Variants in ZNF804B observed in about 807,000 individuals in gnomAD.
The protein encoded by ZNF804B is zinc finger 804B.
ZNF804B carries 80 observed loss-of-function variants against 101.4 expected under a neutral mutation model. The observed-to-expected ratio is 0.79, with a 90% CI of 0.66 to 0.95. ZNF804B has a LOEUF of 0.95. Among genes scored for constraint, ZNF804B ranks in the 40% least tolerant of loss-of-function variants. ZNF804B has a pLI of 0.00. For synonymous variants in ZNF804B, 622 were observed against 558.8 expected (o/e 1.11, Z -1.59); for missense variants, 1,673 against 1,561.9 (o/e 1.07, Z -1.20).
chr7:89,002,395 CATGCTTGCATTTTTCTTGCTTTTCTTATT>C (rs1402932794), intron 1 of ZNF804B, among the ~76,000 whole-genome samples: 1 of 151,864 alleles, frequency 6.6e-6, no homozygotes, highest in East Asian at 1.9e-4. Flanking sequence ...CCCACAATAA[CATGCTTGCATTTTTCTTGCTTTTCTTATT>C]ATTGAATATT....
At chr7:89,087,719 C>A (rs957267100) in intron 1 of ZNF804B, among the ~76,000 whole-genome samples, 2 of 151,966 alleles carry the variant, frequency 1.3e-5, no homozygotes, top group South Asian at 2.1e-4. Flanking sequence ...TTATGTTTAT[C>A]TTCTGTGTGA....
chr7:89,103,142 G>A (rs1234894641), intron 1 of ZNF804B, among the ~76,000 whole-genome samples: 8 of 127,736 alleles, frequency 6.3e-5, no homozygotes, highest in Non-Finnish European at 1.3e-4. Context: ...ATCAGGCAAT[G>A]CAATGTCTCC....
intron 1 of ZNF804B, among the ~76,000 whole-genome samples, chr7:88,865,983 C>T (rs934450877): frequency 3.3e-5 from 5 of 152,026 alleles, no homozygotes; most frequent in African/African-American, 7.2e-5. Flanking sequence ...ATTGTGAGAC[C>T]GAATTCTCTC....
rs574285441 is a variant in ZNF804B, at chr7:88,866,793, T to C, written c.108+106709T>C. Reference sequence around the variant, plus strand: ...TTTAGGGTGATTTGTTGAATATTGATAGATAATGGAAATACCCATATTTAG... The same window carrying C: ...TTTAGGGTGATTTGTTGAATATTGACAGATAATGGAAATACCCATATTTAG... On this transcript the variant is annotated intron_variant, in intron 1 of 3. Coordinates refer to ENST00000333190, the MANE Select transcript of ZNF804B (RefSeq NM_181646.5). Among the ~76,000 whole-genome samples, 150 of 152,286 alleles carry C rather than the reference T, an allele frequency of 9.8e-4. 2 individuals are homozygous for C. Among genetic ancestry groups the C allele is most frequent in the African/African-American group, 3.5e-3 (146 of 41,562 alleles).
chr7:88,948,263 C>T (rs184183961), intron 1 of ZNF804B, among the ~76,000 whole-genome samples: 55 of 149,876 alleles, frequency 3.7e-4, no homozygotes, highest in African/African-American at 1.3e-3. Flanking sequence ...GAGACAAGGT[C>T]GCCTCAGCAC....
intron 2 of ZNF804B, among the ~76,000 whole-genome samples, chr7:89,257,175 A>G (rs1276252411): frequency 1.3e-5 from 2 of 152,096 alleles, no homozygotes; most frequent in Non-Finnish European, 2.9e-5. Flanking sequence ...GAACTATAGG[A>G]TGGAGTTTCT....
intron 1 of ZNF804B, among the ~76,000 whole-genome samples, chr7:89,100,829 C>T (rs938742161): frequency 1.3e-5 from 2 of 151,898 alleles, no homozygotes; most frequent in Non-Finnish European, 2.9e-5. Context: ...CAAATTATCT[C>T]ACATACTACA....
At position 88,851,653 on chromosome 7, in the gene ZNF804B, A is replaced by C. The variant is rs376918787; in HGVS notation, c.108+91569A>C. Among the ~76,000 whole-genome samples, 13 of 152,228 alleles carry C rather than the reference A, an allele frequency of 8.5e-5. No homozygotes were observed. The East Asian group carries it at 2.3e-3, about 27-fold the overall frequency. On this transcript the variant is annotated intron_variant, in intron 1 of 3. Coordinates refer to ENST00000333190, the MANE Select transcript of ZNF804B (RefSeq NM_181646.5). ...AGGAATTCTTAAGTAGAAACAAAAC[A>C]TTACCACATGGAAATATGGTTCTAC...
intron 1 of ZNF804B, among the ~76,000 whole-genome samples, chr7:89,063,647 A>G (rs1412059962): frequency 1.3e-5 from 2 of 152,194 alleles, no homozygotes; most frequent in African/African-American, 4.8e-5. Context: ...CATGTGAAGA[A>G]AGAGGAAGAC....
At chr7:89,111,097 G>C (rs1156944357) in intron 1 of ZNF804B, among the ~76,000 whole-genome samples, 3 of 151,690 alleles carry the variant, frequency 2.0e-5, no homozygotes, top group Admixed American at 2.0e-4. Context: ...ATATTCTGTT[G>C]GCTGGATACA....
chr7:89,215,612 G>A (rs963948245), intron 1 of ZNF804B, among the ~76,000 whole-genome samples: 4 of 151,988 alleles, frequency 2.6e-5, no homozygotes, highest in Admixed American at 1.3e-4. Flanking sequence ...GGCCGGGGGC[G>A]GTGGCTCGCG....
At chr7:89,280,623 A>G (rs528602133) in intron 2 of ZNF804B, among the ~76,000 whole-genome samples, 1 of 152,226 alleles carries the variant, frequency 6.6e-6, no homozygotes. Context: ...AATTCTACAA[A>G]CACCTCTATG....
rs1484581950 is a variant in ZNF804B at position 89,334,201 on chromosome 7, A to G, written c.1219A>G (p.Ile407Val). 1 of 1,613,580 alleles carries G rather than the reference A, an allele frequency of 6.2e-7. No individual in the cohort carries two copies. The highest frequency in any genetic ancestry group is 2.2e-5 in the East Asian group (1 of 44,858). ...STVHLNPNSR[I>V]ENREKSLDKT... ...AGTGCATCTGAATCCAAATTCCAGA[A>G]TAGAGAACAGAGAAAAATCTTTAGA... Residue 407 changes from isoleucine (I) to valine (V), a missense_variant, in exon 4 of 4, where the codon ATA becomes GTA. By Grantham distance (29) the Ile-to-Val change is conservative. Transcript: ENST00000333190.
intron 1 of ZNF804B, among the ~76,000 whole-genome samples, chr7:88,955,895 C>CAA (rs748009457): frequency 6.7e-6 from 1 of 148,560 alleles, no homozygotes; most frequent in East Asian, 2.0e-4. Context: ...AACTCAAAGG[C>CAA]AAAAAAAAAT....
Position 89,203,726 on chromosome 7 carries a change from G to A in ZNF804B, c.109-14429G>A, listed in dbSNP as rs111485081. ...TACAGAACAAGTAAACCAAGCAGCA[G>A]ACTTATTATTAGACATAATAGCAGA... On this transcript the variant is annotated intron_variant, in intron 1 of 3. Transcript: ENST00000333190. Among the ~76,000 whole-genome samples the A allele has an allele frequency of 2.0e-3, 308 of 152,176 alleles. 1 individual carries two copies. The highest frequency in any genetic ancestry group is 7.2e-3 in the African/African-American group (298 of 41,530).
At chr7:88,957,552 A>C (rs758223427) in intron 1 of ZNF804B, among the ~76,000 whole-genome samples, 1 of 151,376 alleles carries the variant, frequency 6.6e-6, no homozygotes, top group Non-Finnish European at 1.5e-5. Context: ...GGTCTATAAT[A>C]AGTAGATAAA....
chr7:88,844,994 C>T (rs929945660), intron 1 of ZNF804B, among the ~76,000 whole-genome samples: 13 of 152,082 alleles, frequency 8.5e-5, no homozygotes. Flanking sequence ...TCATAGAAAT[C>T]CTTTTCTGTA....
At chr7:88,968,514 T>C (rs1224032081) in intron 1 of ZNF804B, among the ~76,000 whole-genome samples, 1 of 151,700 alleles carries the variant, frequency 6.6e-6, no homozygotes, top group East Asian at 2.0e-4. Context: ...TGTTGTGTTT[T>C]CATGTCTTTC....
chr7:89,025,325 TAAAC>T (rs1195628670), intron 1 of ZNF804B, among the ~76,000 whole-genome samples: 9 of 152,114 alleles, frequency 5.9e-5, no homozygotes, highest in Non-Finnish European at 8.8e-5. Flanking sequence ...AATGCAAACT[TAAAC>T]ATATTACAGT....
Sources: gnomAD v4.1 joint callset for allele counts (sites outside exome capture counted in the v4.1 genomes callset) on GRCh38, gnomAD v4.1.1 for gene constraint, MANE v1.5 for transcripts, NCBI Gene and HGNC (gene_info 2026-07-23, HGNC 2026-07-21) for gene names.